Variants in PRR14L observed in about 807,000 individuals in gnomAD.
The protein encoded by PRR14L is proline rich 14 like.
In PRR14L, 80 loss-of-function variants were observed where a neutral mutation model predicts 155.0. That is an observed-to-expected ratio of 0.52 (90% CI 0.43 to 0.62). The LOEUF (loss-of-function observed/expected upper bound fraction) is 0.62. Ranked by LOEUF, PRR14L falls within the 20% of genes least tolerant of loss-of-function variation. The probability of loss-of-function intolerance (pLI) is 0.00; values close to 1 mark genes in which losing one functional copy is unlikely to be tolerated. For synonymous variants in PRR14L, 883 were observed against 916.0 expected (o/e 0.96, Z 0.65); for missense variants, 2,469 against 2,548.0 (o/e 0.97, Z 0.67).
Position 31,715,130 on chromosome 22 carries a change from C to T in PRR14L, c.2709G>A (p.Leu903=). 1.3e-6 allele frequency: 2 copies of T among 1,551,938 alleles called. No individual in the cohort carries two copies. The highest frequency in any genetic ancestry group is 1.2e-5 in the South Asian group (1 of 84,062). ...TGGATACATCCTGCTCCTTTCCTTCCAGCCCTTCCTCACTGAGTTTGATGC... is the reference window on the plus strand; with the variant it reads ...TGGATACATCCTGCTCCTTTCCTTCTAGCCCTTCCTCACTGAGTTTGATGC... ...SSSIKLSEEG[L]EGKEQDVSKE... is the part of the protein sequence containing the mutation. The change falls in exon 4 of 9, where the codon CTG becomes CTA. Residue 903 remains leucine (L), a synonymous_variant. Coordinates refer to ENST00000327423, the MANE Select transcript of PRR14L (RefSeq NM_173566.3).
At chr22:31,717,420 T>C in intron 3 of PRR14L, 129 bp from the exon 4 acceptor site, 1 of 713,350 alleles carries the variant, frequency 1.4e-6, no homozygotes, top group African/African-American at 1.8e-5. Flanking sequence ...AACTGGAAAG[T>C]TAGCATGCTA....
intron 7 of PRR14L, among the ~76,000 whole-genome samples, chr22:31,700,350 A>G (rs925027246): frequency 2.6e-5 from 4 of 152,254 alleles, no homozygotes; most frequent in African/African-American, 4.8e-5. Context: ...CCGATCTCGG[A>G]TATCTGAAAT....
chr22:31,740,992 G>A (rs1261527713), intron 1 of PRR14L, among the ~76,000 whole-genome samples: 10 of 151,746 alleles, frequency 6.6e-5, no homozygotes, highest in Admixed American at 1.3e-4. Context: ...GGTGGCTCAC[G>A]CCTGTAATCC....
At chr22:31,708,206 C>A (rs985810663) in intron 4 of PRR14L, among the ~76,000 whole-genome samples, 4 of 152,102 alleles carry the variant, frequency 2.6e-5, no homozygotes, top group African/African-American at 9.7e-5. Flanking sequence ...AACAGCAATT[C>A]ATCTTTCAAT....
chr22:31,726,595 G>A (rs536807202), intron 2 of PRR14L, among the ~76,000 whole-genome samples: 44 of 152,242 alleles, frequency 2.9e-4, no homozygotes, highest in African/African-American at 1.0e-3. Flanking sequence ...AGTTATATTT[G>A]ATCCTTTCTC....
intron 3 of PRR14L, 108 bp downstream of exon 3, chr22:31,725,430 A>C: frequency 1.4e-6 from 1 of 725,968 alleles, no homozygotes; most frequent in East Asian, 2.7e-5. Context: ...AGTACACCTT[A>C]CAAGGCAAGG....
chr22:31,687,855 C>T (rs960598782), intron 8 of PRR14L, among the ~76,000 whole-genome samples: 6 of 151,238 alleles, frequency 4.0e-5, no homozygotes, highest in African/African-American at 1.5e-4. Context: ...CACGGTGAAA[C>T]CCTGTCTCTA....
rs2074655000 is a variant in PRR14L at position 31,715,758 on chromosome 22, A to G, written c.2081T>C (p.Leu694Ser). The G allele has an allele frequency of 6.4e-7, 1 of 1,552,020 alleles. No homozygotes were observed. Among genetic ancestry groups the G allele is most frequent in the African/African-American group, 1.4e-5 (1 of 73,180 alleles). Residue 694 changes from leucine (L) to serine (S), a missense_variant, in exon 4 of 9, where the codon TTA (leucine) becomes TCA (serine). Physicochemically the swap from Leu to Ser is moderately radical, Grantham distance 145 (BLOSUM62 -2). This residue lies in a region of PRR14L where 2,363 missense variants were observed against 2,371.6 expected (regional missense o/e 1.00). Transcript: ENST00000327423. ...AGCAATGACATCTGCTCTACCCTCT[A>G]ATGGAGGGTGATGGCTCTGATGGGC... ...RDAHQSHHPP[L>S]EGRADVIADI... is the part of the protein sequence containing the mutation.
chr22:31,749,280 T>C (rs1321717723), intron 1 of PRR14L, among the ~76,000 whole-genome samples: 3 of 151,860 alleles, frequency 2.0e-5, no homozygotes, highest in Admixed American at 6.6e-5. Context: ...CTCTTAATAA[T>C]GCAAGGGAAA....
intron 3 of PRR14L, among the ~76,000 whole-genome samples, chr22:31,724,113 T>C (rs1301623309): frequency 6.6e-6 from 1 of 152,220 alleles, no homozygotes; most frequent in Non-Finnish European, 1.5e-5. Context: ...GAGAATCTAA[T>C]GCCTGATGAT....
intron 1 of PRR14L, among the ~76,000 whole-genome samples, chr22:31,749,219 G>C (rs2074857930): frequency 2.6e-5 from 4 of 152,102 alleles, no homozygotes; most frequent in African/African-American, 9.7e-5. Context: ...AGGTCACAAA[G>C]ACGTTAAGTG....
chr22:31,685,332 C>T lies in PRR14L; in HGVS notation c.*195G>A, dbSNP rs2074476899. The T allele has an allele frequency of 1.7e-6, 1 of 574,346 alleles. No homozygotes were observed. Among genetic ancestry groups the T allele is most frequent in the Non-Finnish European group, 3.1e-6 (1 of 326,602 alleles). 35.6% of individuals were successfully genotyped at this position (574,346 alleles called of 1,614,324 possible). ...TATACTCAGCAGTAAAAGTAGAGGA[C>T]CCTCCTTCACCAGTTTCTAAAAAGG... On this transcript the variant is annotated 3_prime_UTR_variant, in exon 9 of 9. Coordinates refer to ENST00000327423, the MANE Select transcript of PRR14L (RefSeq NM_173566.3).
At chr22:31,720,311 A>G (rs1005661513) in intron 3 of PRR14L, among the ~76,000 whole-genome samples, 1 of 152,228 alleles carries the variant, frequency 6.6e-6, no homozygotes, top group African/African-American at 2.4e-5. Flanking sequence ...ACTGCAAGCC[A>G]CAGGTTTTCA....
At chr22:31,704,461 C>A (rs1300526931) in intron 5 of PRR14L, 194 bp downstream of exon 5, 5 of 416,386 alleles carry the variant, frequency 1.2e-5, no homozygotes, top group African/African-American at 4.1e-5. Context: ...TGTATTATTA[C>A]ACATTCCTAG....
intron 4 of PRR14L, among the ~76,000 whole-genome samples, chr22:31,708,978 CA>C (rs761356828): frequency 4.2e-4 from 64 of 152,236 alleles, no homozygotes; most frequent in Middle Eastern, 3.4e-3. Context: ...AGGTGTGCAC[CA>C]CACCCGGCTA....
At position 31,713,303 on chromosome 22, in the gene PRR14L, C is replaced by A; in HGVS notation, c.4536G>T (p.Lys1512Asn). The A allele has an allele frequency of 6.4e-7, 1 of 1,552,290 alleles. No homozygotes were observed. Among genetic ancestry groups the A allele is most frequent in the Non-Finnish European group, 8.7e-7 (1 of 1,147,116 alleles). Residue 1512 changes from lysine to asparagine, a missense_variant, in exon 4 of 9, where the codon AAG (lysine) becomes AAT (asparagine). Lys to Asn is a moderately conservative substitution (Grantham distance 94). Coordinates refer to ENST00000327423, the MANE Select transcript of PRR14L (RefSeq NM_173566.3). ...GCTTCTTTAAGGGAAGAACTCCTTT[C>A]TTCGCAAAGGCACCATGTATTTGAT... is the stretch of plus-strand genomic sequence containing the variant. ...GCDQIHGAFA[K>N]KGVLPLKKQP...
intron 7 of PRR14L, among the ~76,000 whole-genome samples, chr22:31,695,040 G>A (rs771911364): frequency 3.3e-5 from 5 of 151,894 alleles, no homozygotes; most frequent in African/African-American, 7.3e-5. Flanking sequence ...CCCAGATCGC[G>A]GCACTGCACT....
chr22:31,701,152 C>T (rs1385584826), intron 7 of PRR14L, among the ~76,000 whole-genome samples: 1 of 151,908 alleles, frequency 6.6e-6, no homozygotes, highest in African/African-American at 2.4e-5. Context: ...CCAAGCCCGG[C>T]TAATTTTGTA....
intron 5 of PRR14L, 53 bp downstream of exon 5, chr22:31,704,602 C>A: frequency 6.8e-7 from 1 of 1,470,162 alleles, no homozygotes; most frequent in Admixed American, 1.7e-5. Flanking sequence ...CACTCTCTCT[C>A]TTGCACACAC....
Sources: allele counts gnomAD v4.1 joint callset (sites outside exome capture counted in the v4.1 genomes callset), GRCh38; gene constraint gnomAD v4.1.1; regional missense constraint gnomAD v4.1.1; transcripts MANE v1.5; gene names NCBI Gene and HGNC (gene_info 2026-07-23, HGNC 2026-07-21).